CCBE1: variants seen among roughly 807,000 people sequenced by gnomAD.
The protein encoded by CCBE1 is collagen and calcium-binding EGF domain-containing protein 1.
CCBE1 carries 37 observed loss-of-function variants against 50.0 expected under a neutral mutation model. The ratio of observed to expected loss-of-function variants is 0.74; its 90% CI spans 0.57 to 0.97. The LOEUF (loss-of-function observed/expected upper bound fraction) is 0.97. Among genes scored for constraint, CCBE1 ranks in the 50% least tolerant of loss-of-function variants. The probability of loss-of-function intolerance (pLI) is 0.00; values close to 1 mark genes in which losing one functional copy is unlikely to be tolerated. For synonymous variants in CCBE1, 234 were observed against 203.7 expected (o/e 1.15, Z -1.27); for missense variants, 538 against 523.8 (o/e 1.03, Z -0.26).
At chr18:59,497,064 T>C (rs1029137870) in intron 2 of CCBE1, among the ~76,000 whole-genome samples, 3 of 152,224 alleles carry the variant, frequency 2.0e-5, no homozygotes, top group African/African-American at 7.2e-5. Flanking sequence ...TTAAATGAGA[T>C]ACGTAAAGTA....
chr18:59,543,856 A>AC (rs1915579699), intron 2 of CCBE1, among the ~76,000 whole-genome samples: 2 of 150,928 alleles, frequency 1.3e-5, no homozygotes, highest in African/African-American at 2.4e-5. Context: ...AAAAAAAAAA[A>AC]AACAGAAAAC....
chr18:59,682,894 GA>G (rs2054610166), intron 2 of CCBE1, among the ~76,000 whole-genome samples: 1 of 152,180 alleles, frequency 6.6e-6, no homozygotes, highest in African/African-American at 2.4e-5. Context: ...CTTAAAAAGA[GA>G]ATGTCCAAAA....
intron 2 of CCBE1, among the ~76,000 whole-genome samples, chr18:59,526,723 G>T (rs1914838031): frequency 6.6e-6 from 1 of 152,068 alleles, no homozygotes; most frequent in African/African-American, 2.4e-5. Flanking sequence ...TGTTCTCATT[G>T]GTTTCAAAGA....
chr18:59,598,674 T>A (rs1454527276), intron 2 of CCBE1, among the ~76,000 whole-genome samples: 6 of 152,196 alleles, frequency 3.9e-5, no homozygotes, highest in Non-Finnish European at 8.8e-5. Context: ...CCCTAACTCC[T>A]GTAGCCAAGG....
chr18:59,534,358 T>A (rs1915164832), intron 2 of CCBE1, among the ~76,000 whole-genome samples: 1 of 152,206 alleles, frequency 6.6e-6, no homozygotes, highest in Admixed American at 6.5e-5. Flanking sequence ...CTTAATATTT[T>A]AAAACACATG....
chr18:59,494,656 T>C lies in CCBE1; in HGVS notation c.213-14418A>G, dbSNP rs147335857. 4.7e-4 allele frequency among the ~76,000 whole-genome samples: 72 copies of C among 152,236 alleles called. No individual in the cohort carries two copies. In the East Asian group the frequency reaches 0.012, roughly 25 times the overall value. ...AGCTGCCTGGGGGATGAGGTTGCCA[T>C]GAATGAATATGAATTAAATCAGAAG... is the stretch of plus-strand genomic sequence containing the variant. On this transcript the variant is annotated intron_variant, in intron 2 of 10. Transcript: ENST00000439986.
At chr18:59,603,434 A>G (rs1407003201) in intron 2 of CCBE1, among the ~76,000 whole-genome samples, 4 of 152,198 alleles carry the variant, frequency 2.6e-5, no homozygotes, top group African/African-American at 9.6e-5. Flanking sequence ...TTTGGCCTTT[A>G]AAGATAAAGA....
At position 59,667,961 on chromosome 18, in the gene CCBE1, C is replaced by T. The variant is rs181542188; in HGVS notation, c.212+28668G>A. Reference sequence around the variant, plus strand: ...TGGACACAGGGAGAGGAACATCACACACCGGGACCTATCGAGGGGTGGGGA... The same window carrying T: ...TGGACACAGGGAGAGGAACATCACATACCGGGACCTATCGAGGGGTGGGGA... On this transcript the variant is annotated intron_variant, in intron 2 of 10. Transcript: ENST00000439986. Among the ~76,000 whole-genome samples, 516 of 152,164 alleles carry T rather than the reference C, an allele frequency of 3.4e-3. 2 individuals are homozygous for T. The highest frequency in any genetic ancestry group is 0.011 in the African/African-American group (459 of 41,512).
At chr18:59,592,326 C>CA (rs1334246123) in intron 2 of CCBE1, among the ~76,000 whole-genome samples, 2 of 151,922 alleles carry the variant, frequency 1.3e-5, no homozygotes, top group African/African-American at 2.4e-5. Context: ...GTCCTAGCCC[C>CA]AAAAAATCTC....
chr18:59,465,061 C>T (rs144107384), intron 5 of CCBE1: 7 of 152,352 alleles, frequency 4.6e-5, no homozygotes, highest in Admixed American at 2.0e-4. Context: ...CTGTGTGGCA[C>T]CAGCCTCAGG....
chr18:59,500,165 C>G (rs1214852539), intron 2 of CCBE1, among the ~76,000 whole-genome samples: 1 of 152,134 alleles, frequency 6.6e-6, no homozygotes, highest in Non-Finnish European at 1.5e-5. Flanking sequence ...CTGGTGCTGG[C>G]CAGAGCATGG....
intron 3 of CCBE1, among the ~76,000 whole-genome samples, chr18:59,472,059 A>G (rs1315181293): frequency 6.6e-6 from 1 of 152,248 alleles, no homozygotes; most frequent in Non-Finnish European, 1.5e-5. Flanking sequence ...TTGCAAAATC[A>G]GCCTCACTAT....
intron 2 of CCBE1, among the ~76,000 whole-genome samples, chr18:59,539,244 C>A (rs1397213806): frequency 6.6e-6 from 1 of 152,032 alleles, no homozygotes; most frequent in Non-Finnish European, 1.5e-5. Flanking sequence ...CAGACCGTGA[C>A]TGCCATCTTG....
chr18:59,618,958 T>G (rs561782531), intron 2 of CCBE1, among the ~76,000 whole-genome samples: 20 of 152,330 alleles, frequency 1.3e-4, no homozygotes, highest in South Asian at 1.2e-3. Flanking sequence ...CAGTGTTATA[T>G]TAGGACTGCT....
chr18:59,460,326 T>C (rs1322200474), intron 5 of CCBE1, among the ~76,000 whole-genome samples: 1 of 152,170 alleles, frequency 6.6e-6, no homozygotes, highest in Non-Finnish European at 1.5e-5. Flanking sequence ...GCATTAGATA[T>C]GCAAAGTTAA....
At position 59,435,953 on chromosome 18, in the gene CCBE1, T is replaced by C; in HGVS notation, c.1176A>G (p.Arg392=). The C allele has an allele frequency of 6.2e-7, 1 of 1,614,144 alleles. No homozygotes were observed. The highest frequency in any genetic ancestry group is 8.5e-7 in the Non-Finnish European group (1 of 1,180,034). Residue 392 remains arginine (R), a synonymous_variant, in exon 11 of 11, where the codon AGA becomes AGG. Transcript: ENST00000439986. ...GGGCTCTCAAGTCTCTTGTCTCAGT[T>C]CTTCTTGGATGGTCATCTCCAGAGC... The part of the protein sequence containing the change: ...DLGSGDDHPR[R]TETRDLRAPR...
At chr18:59,557,839 C>T (rs1472531101) in intron 2 of CCBE1, among the ~76,000 whole-genome samples, 2 of 152,118 alleles carry the variant, frequency 1.3e-5, no homozygotes, top group Admixed American at 6.5e-5. Context: ...GCGTTTTGTC[C>T]AATTCTTTGT....
At chr18:59,460,622 T>C (rs1598918621) in intron 5 of CCBE1, among the ~76,000 whole-genome samples, 2 of 152,158 alleles carry the variant, frequency 1.3e-5, no homozygotes, top group East Asian at 1.9e-4. Flanking sequence ...GTATATTTCT[T>C]AGATGGAGGA....
intron 2 of CCBE1, among the ~76,000 whole-genome samples, chr18:59,623,652 C>G (rs1251140364): frequency 2.0e-5 from 3 of 152,076 alleles, no homozygotes; most frequent in Admixed American, 1.3e-4. Flanking sequence ...GCTAGGAGAC[C>G]CTTGCTACAG....
Sources: allele counts gnomAD v4.1 joint callset (sites outside exome capture counted in the v4.1 genomes callset), GRCh38; gene constraint gnomAD v4.1.1; transcripts MANE v1.5; gene names NCBI Gene and HGNC (gene_info 2026-07-23, HGNC 2026-07-21).